The following PAIP2B variants were observed in gnomAD, a reference collection of about 807,000 sequenced individuals.
The protein encoded by PAIP2B is polyadenylate-binding protein-interacting protein 2B.
A neutral mutation model predicts 17.0 loss-of-function variants in PAIP2B; 13 were observed. The ratio of observed to expected loss-of-function variants is 0.76; its 90% CI spans 0.50 to 1.22. PAIP2B has a LOEUF of 1.22. Ranked by LOEUF, PAIP2B falls within the 50% of genes most tolerant of loss-of-function variation. The pLI is 0.00. For synonymous variants in PAIP2B, 43 were observed against 48.7 expected, an observed-to-expected ratio of 0.88 and a Z score of 0.48; for missense variants, 117 against 144.5, an observed-to-expected ratio of 0.81 and a Z score of 0.98.
At chr2:71,210,973 G>A (rs1231140854) in intron 1 of PAIP2B, among the ~76,000 whole-genome samples, 3 of 152,300 alleles carry the variant, frequency 2.0e-5, no homozygotes, top group Admixed American at 6.5e-5. Context: ...CTGGCCAGGC[G>A]CAGTGGCTCA....
At chr2:71,190,614 G>A (rs1674664799) in intron 2 of PAIP2B, among the ~76,000 whole-genome samples, 1 of 152,154 alleles carries the variant, frequency 6.6e-6, no homozygotes, top group South Asian at 2.1e-4. Flanking sequence ...GGTCTCCGCA[G>A]ATGTTCTACG....
chr2:71,193,948 G>A (rs7596067), intron 2 of PAIP2B, among the ~76,000 whole-genome samples: 5 of 152,096 alleles, frequency 3.3e-5, no homozygotes, highest in Admixed American at 6.5e-5. Flanking sequence ...ATGGCTAGCC[G>A]GTTATCCCAG....
At chr2:71,212,415 C>T (rs1386695365) in intron 1 of PAIP2B, among the ~76,000 whole-genome samples, 2 of 152,122 alleles carry the variant, frequency 1.3e-5, no homozygotes, top group East Asian at 3.9e-4. Flanking sequence ...CCCACCAGGT[C>T]CTTAATAAAT....
intron 1 of PAIP2B, among the ~76,000 whole-genome samples, chr2:71,206,433 G>C (rs188277491): frequency 6.6e-6 from 1 of 152,284 alleles, no homozygotes; most frequent in African/African-American, 2.4e-5. Context: ...GGCTGAAAAT[G>C]GGAAAGCTCA....
chr2:71,188,193 CT>C lies in PAIP2B; in HGVS notation c.*285del, dbSNP rs933567753. ...TTTAAATACACACCGCGGAACACTT[CT>C]GATGAAGGGGGGAAAATGCAATTTC... is the stretch of plus-strand genomic sequence containing the variant. On this transcript the variant is annotated 3_prime_UTR_variant, in exon 4 of 4. Transcript: ENST00000244221. 50 of 444,964 alleles carry C rather than the reference CT, an allele frequency of 1.1e-4. No individual in the cohort carries two copies. The highest frequency in any genetic ancestry group is 9.1e-4 in the African/African-American group (46 of 50,578). The allele number at this position is 444,964 out of a possible 1,614,324, so 27.6% of individuals were successfully genotyped here. A position where few individuals can be genotyped will look rare whatever the true frequency, so the allele number is the denominator to read the frequency against.
intron 1 of PAIP2B, among the ~76,000 whole-genome samples, chr2:71,222,583 C>A (rs142036808): frequency 8.7e-4 from 132 of 152,276 alleles, no homozygotes; most frequent in African/African-American, 3.0e-3. Context: ...GGCCAAGAGA[C>A]AATATGGCTG....
chr2:71,220,482 C>T (rs1414204001), intron 1 of PAIP2B, among the ~76,000 whole-genome samples: 2 of 150,906 alleles, frequency 1.3e-5, no homozygotes, highest in Non-Finnish European at 3.0e-5. Flanking sequence ...CTTTGTAGTC[C>T]CCTGCTCCTT....
intron 2 of PAIP2B, 124 bp downstream of exon 2, chr2:71,202,328 T>G: frequency 7.8e-7 from 1 of 1,281,620 alleles, no homozygotes; most frequent in Non-Finnish European, 1.1e-6. Flanking sequence ...CCCCCACCAA[T>G]GAATTTTTAA....
chr2:71,218,828 C>G (rs1403018655), intron 1 of PAIP2B, among the ~76,000 whole-genome samples: 3 of 151,826 alleles, frequency 2.0e-5, no homozygotes, highest in Admixed American at 6.6e-5. Flanking sequence ...TATGATTCTA[C>G]TTTTAAAAAT....
At chr2:71,189,224 G>A (rs1481323077) in intron 3 of PAIP2B, among the ~76,000 whole-genome samples, 1 of 151,988 alleles carries the variant, frequency 6.6e-6, no homozygotes, top group Non-Finnish European at 1.5e-5. Context: ...TGTTGGCCAG[G>A]CTGGTCTTGA....
rs138143232 is a variant in PAIP2B, at chr2:71,202,529, A to T, written c.61T>A (p.Leu21Ile). The T allele has an allele frequency of 2.8e-4, 446 of 1,613,568 alleles. 4 individuals carry two copies. In the East Asian group the frequency reaches 9.7e-3, roughly 35 times the overall value. Residue 21 changes from leucine (L) to isoleucine (I), a missense_variant, in exon 2 of 4, where the codon TTA (leucine) becomes ATA (isoleucine). Physicochemically the swap from Leu to Ile is conservative, Grantham distance 5. Coordinates refer to ENST00000244221, the MANE Select transcript of PAIP2B (RefSeq NM_020459.1). ...PSVKSKEDQG[L>I]SGHDEKENPF... Reference sequence around the variant, plus strand: ...TTTTCCTTTTCATCGTGCCCACTTAACCCCTGGTCCTCTTTGGATTTTACA... The same window carrying T: ...TTTTCCTTTTCATCGTGCCCACTTATCCCCTGGTCCTCTTTGGATTTTACA...
At chr2:71,196,530 G>C (rs897415197) in intron 2 of PAIP2B, among the ~76,000 whole-genome samples, 2 of 152,096 alleles carry the variant, frequency 1.3e-5, no homozygotes, top group Non-Finnish European at 2.9e-5. Flanking sequence ...AGACCCATTT[G>C]TTCCAATGGT....
intron 2 of PAIP2B, among the ~76,000 whole-genome samples, chr2:71,201,508 G>A (rs145904804): frequency 6.6e-6 from 1 of 151,940 alleles, no homozygotes; most frequent in Non-Finnish European, 1.5e-5. Flanking sequence ...AGCCTCCCAA[G>A]TAGCTGGGAT....
At chr2:71,207,020 C>G (rs1675148946) in intron 1 of PAIP2B, among the ~76,000 whole-genome samples, 1 of 152,220 alleles carries the variant, frequency 6.6e-6, no homozygotes, top group Admixed American at 6.5e-5. Flanking sequence ...TCATTAATAT[C>G]TGAGTGCCTA....
At chr2:71,199,574 T>G (rs927846821) in intron 2 of PAIP2B, among the ~76,000 whole-genome samples, 2 of 151,656 alleles carry the variant, frequency 1.3e-5, no homozygotes, top group Admixed American at 1.3e-4. Flanking sequence ...CTGCGTCCTT[T>G]TTTTTTTTTT....
At chr2:71,209,828 CTT>C (rs35505740) in intron 1 of PAIP2B, among the ~76,000 whole-genome samples, 1 of 147,564 alleles carries the variant, frequency 6.8e-6, no homozygotes. Flanking sequence ...TCACATAGAA[CTT>C]TTTTTTTTTT....
intron 2 of PAIP2B, among the ~76,000 whole-genome samples, chr2:71,193,864 A>G (rs982857012): frequency 1.3e-5 from 2 of 152,008 alleles, no homozygotes; most frequent in Admixed American, 6.6e-5. Flanking sequence ...TGGGTTTTAC[A>G]TTTGTCTTTA....
chr2:71,199,571 C>CTTTTT (rs58823186), intron 2 of PAIP2B, among the ~76,000 whole-genome samples: 1 of 145,690 alleles, frequency 6.9e-6, no homozygotes, highest in African/African-American at 2.5e-5. Context: ...CAACTGCGTC[C>CTTTTT]TTTTTTTTTT....
At chr2:71,207,607 G>C (rs2103796871) in intron 1 of PAIP2B, among the ~76,000 whole-genome samples, 1 of 152,296 alleles carries the variant, frequency 6.6e-6, no homozygotes, top group African/African-American at 2.4e-5. Context: ...AATAATGAGA[G>C]ACTGGTAAGG....
Sources: allele counts gnomAD v4.1 joint callset (sites outside exome capture counted in the v4.1 genomes callset), GRCh38; gene constraint gnomAD v4.1.1; transcripts MANE v1.5; gene names NCBI Gene and HGNC (gene_info 2026-07-23, HGNC 2026-07-21).